DEFB127: variants seen among roughly 807,000 people sequenced by gnomAD.
DEFB127 encodes beta-defensin 127.
In DEFB127, 2 loss-of-function variants were observed where a neutral mutation model predicts 2.4. That is an observed-to-expected ratio of 0.82 (90% CI 0.34 to 2.58). DEFB127 has a LOEUF of 2.58. DEFB127 is among the 30% of genes most tolerant of loss of function. The pLI, the probability that DEFB127 is intolerant of heterozygous loss-of-function variation, is 0.11. For missense variants in DEFB127, 110 were observed against 113.2 expected (o/e 0.97, Z 0.13); for synonymous variants, 37 against 39.8 (o/e 0.93, Z 0.26).
Position 158,989 on chromosome 20 carries a change from GA to G in DEFB127, c.269del (p.Asn90IlefsTer5), listed in dbSNP as rs1250715881. The G allele has an allele frequency of 8.1e-6, 13 of 1,610,922 alleles. No individual in the cohort carries two copies. In the East Asian group the frequency reaches 2.9e-4, roughly 36 times the overall value. Reference protein sequence around the residue: ...LTLQDYVTIIENFPSLKTQST With the variant: ...LTLQDYVTIIXNFPSLKTQST ...TCTTCAAGACTATGTTACAATAATA[GA>G]AAATTTCCCAAGCCTGAAGACACAG... On this transcript the variant is annotated frameshift_variant, in exon 2 of 2. Transcript: ENST00000382388. LOFTEE classifies it low-confidence loss of function (END_TRUNC).
chr20:158,943 G>A lies in DEFB127; in HGVS notation c.219G>A (p.Lys73=), dbSNP rs2054714410. ...AAATTACAAAGCCACCTCGTCCAAA[G>A]CCAGCAACACTTGCACTGACTCTTC... ...CKKITKPPRP[K]PATLALTLQD... The change falls in exon 2 of 2, where the codon AAG becomes AAA. Residue 73 remains lysine (K), a synonymous_variant. Transcript: ENST00000382388. 6.2e-7 allele frequency: 1 copy of A among 1,613,576 alleles called. No homozygotes were observed. Among genetic ancestry groups the A allele is most frequent in the African/African-American group, 1.3e-5 (1 of 74,900 alleles).
intron 1 of DEFB127, among the ~76,000 whole-genome samples, chr20:158,379 C>T (rs1600149827): frequency 1.3e-5 from 2 of 152,096 alleles, no homozygotes; most frequent in South Asian, 4.1e-4. Flanking sequence ...ATACATTGTT[C>T]TCTGGGCATC....
Position 159,032 on chromosome 20 carries a change from A to G in DEFB127, c.*8A>G. On this transcript the variant is annotated 3_prime_UTR_variant, in exon 2 of 2. Transcript: ENST00000382388. ...AAGACACAGTCTACATAAATCAAAT[A>G]CAATTTCGTTTTCACTTGCTTCTCA... is the stretch of plus-strand genomic sequence containing the variant. 6.3e-7 allele frequency: 1 copy of G among 1,590,168 alleles called. No individual in the cohort carries two copies. Among genetic ancestry groups the G allele is most frequent in the Non-Finnish European group, 8.5e-7 (1 of 1,170,154 alleles).
At chr20:158,062 C>G (rs576263231) in intron 1 of DEFB127, among the ~76,000 whole-genome samples, 2 of 152,032 alleles carry the variant, frequency 1.3e-5, no homozygotes, top group African/African-American at 2.4e-5. Context: ...ACTCTAGGAG[C>G]CTCAGTTTCC....
chr20:157,463 T>C lies in DEFB127; in HGVS notation c.-82T>C. The C allele has an allele frequency of 1.4e-6, 2 of 1,468,238 alleles. No homozygotes were observed. The highest frequency in any genetic ancestry group is 1.9e-6 in the Non-Finnish European group (2 of 1,048,814). 91.0% of individuals were successfully genotyped at this position (1,468,238 alleles called of 1,614,324 possible). On this transcript the variant is annotated 5_prime_UTR_variant, in exon 1 of 2. Coordinates refer to ENST00000382388, the MANE Select transcript of DEFB127 (RefSeq NM_139074.4). ...TCTGTTCTGGTTCAGTGCATAAGAA[T>C]CTAAGTCTCTGAGGAAGGTAGCATA...
At chr20:157,693 C>T in intron 1 of DEFB127, 100 bp downstream of exon 1, 1 of 1,293,186 alleles carries the variant, frequency 7.7e-7, no homozygotes, top group East Asian at 2.3e-5. Context: ...AATAGAGCCC[C>T]CAAAGATGGC....
Position 157,513 on chromosome 20 carries a change from C to G in DEFB127, c.-32C>G. On this transcript the variant is annotated 5_prime_UTR_variant, in exon 1 of 2. Transcript: ENST00000382388. ...AGTGTGCAGTTCACTGGACCAAAAG[C>G]TTTGGCTGCACCTCTTCTGGAAAGC... 2 of 1,605,486 alleles carry G rather than the reference C, an allele frequency of 1.2e-6. No individual in the cohort carries two copies. The highest frequency in any genetic ancestry group is 1.7e-6 in the Non-Finnish European group (2 of 1,176,192).
Position 157,550 on chromosome 20 carries a change from G to A in DEFB127, c.6G>A (p.Gly2=), listed in dbSNP as rs1209532570. M[G]LFMIIAILLF... ...CTCTTCTGGAAAGCCTGGCCATGGGGCTCTTCATGATCATTGCAATTCTGC... is the reference window on the plus strand; with the variant it reads ...CTCTTCTGGAAAGCCTGGCCATGGGACTCTTCATGATCATTGCAATTCTGC... Residue 2 remains glycine, a synonymous_variant, in exon 1 of 2, where the codon GGG becomes GGA. Coordinates refer to ENST00000382388, the MANE Select transcript of DEFB127 (RefSeq NM_139074.4). The A allele has an allele frequency of 1.2e-6, 2 of 1,613,720 alleles. No homozygotes were observed. Among genetic ancestry groups the A allele is most frequent in the South Asian group, 1.1e-5 (1 of 91,060 alleles).
intron 1 of DEFB127, among the ~76,000 whole-genome samples, chr20:158,134 GA>G (rs2054710584): frequency 6.6e-6 from 1 of 152,092 alleles, no homozygotes; most frequent in South Asian, 2.1e-4. Context: ...TAACCTATGT[GA>G]AGCTTGGCAC....
At chr20:157,651 C>T in intron 1 of DEFB127, 58 bp downstream of exon 1, 1 of 1,587,832 alleles carries the variant, frequency 6.3e-7, no homozygotes, top group African/African-American at 1.3e-5. Flanking sequence ...TTTCAGGAGC[C>T]AAAGGGAACT....
chr20:157,958 T>C (rs538204962), intron 1 of DEFB127, among the ~76,000 whole-genome samples: 7,498 of 150,616 alleles, frequency 0.05, 568 homozygotes, highest in African/African-American at 0.16. Context: ...TGTGTGTGTG[T>C]GTGTGCATGA....
chr20:157,630 G>T (rs757129100), intron 1 of DEFB127, 37 bp downstream of exon 1: 1 of 1,612,246 alleles, frequency 6.2e-7, no homozygotes, highest in East Asian at 2.2e-5. Flanking sequence ...ATCAACAGTG[G>T]GATGGAGCAT....
In DEFB127 at chr20:159,033, C is replaced by A. The variant is rs1168085437; in HGVS notation, c.*9C>A. ...AGACACAGTCTACATAAATCAAATACAATTTCGTTTTCACTTGCTTCTCAA... is the reference window on the plus strand; with the variant it reads ...AGACACAGTCTACATAAATCAAATAAAATTTCGTTTTCACTTGCTTCTCAA... On this transcript the variant is annotated 3_prime_UTR_variant, in exon 2 of 2. Transcript: ENST00000382388. 1.9e-6 allele frequency: 3 copies of A among 1,589,478 alleles called. No homozygotes were observed. Among genetic ancestry groups the A allele is most frequent in the Non-Finnish European group, 2.6e-6 (3 of 1,169,828 alleles).
intron 1 of DEFB127, 147 bp from the exon 2 acceptor site, chr20:158,627 C>T (rs182029083): frequency 1.2e-4 from 95 of 780,910 alleles, no homozygotes; most frequent in Admixed American, 2.4e-4. Context: ...TTGACCTTGT[C>T]GGAAAATCCT....
chr20:157,958 T>TAC, intron 1 of DEFB127, among the ~76,000 whole-genome samples: 1 of 150,654 alleles, frequency 6.6e-6, no homozygotes, highest in African/African-American at 2.4e-5. Flanking sequence ...TGTGTGTGTG[T>TAC]GTGTGCATGA....
chr20:158,876 G>C lies in DEFB127; in HGVS notation c.152G>C (p.Arg51Thr). 6.2e-7 allele frequency: 1 copy of C among 1,613,796 alleles called. No homozygotes were observed. The highest frequency in any genetic ancestry group is 1.1e-5 in the South Asian group (1 of 91,064). The change falls in exon 2 of 2, where the codon AGA (arginine) becomes ACA (threonine). Residue 51 changes from arginine to threonine, a missense_variant. By Grantham distance (71) the Arg-to-Thr change is moderately conservative (BLOSUM62 -1). Transcript: ENST00000382388. ...EVPEALCENGRYCCLNIKELE... is the reference protein window; with the variant it reads ...EVPEALCENGTYCCLNIKELE... ...CCTGAGGCACTATGTGAAAATGGGA[G>C]ATACTGTTGCCTCAATATCAAGGAA...
At chr20:158,453 T>C (rs896293771) in intron 1 of DEFB127, among the ~76,000 whole-genome samples, 2 of 152,140 alleles carry the variant, frequency 1.3e-5, no homozygotes, top group African/African-American at 4.8e-5. Flanking sequence ...TTTGCTGAGG[T>C]TCCTATGTAG....
chr20:157,673 AC>A (rs2054707958), intron 1 of DEFB127, 80 bp downstream of exon 1: 1 of 1,511,682 alleles, frequency 6.6e-7, no homozygotes. Flanking sequence ...CATAATCCAC[AC>A]TAAAGGGAAA....
chr20:159,141 T>G lies in DEFB127; in HGVS notation c.*117T>G. On this transcript the variant is annotated 3_prime_UTR_variant, in exon 2 of 2. Transcript: ENST00000382388. Reference sequence around the variant, plus strand: ...TCCTTAAAATGACCTTCGAGCATATTCTAATAAAGTGCATTGCCAGTTTTC... The same window carrying G: ...TCCTTAAAATGACCTTCGAGCATATGCTAATAAAGTGCATTGCCAGTTTTC... The G allele has an allele frequency of 5.8e-6, 7 of 1,196,930 alleles. No individual in the cohort carries two copies. The highest frequency in any genetic ancestry group is 8.0e-6 in the Non-Finnish European group (7 of 872,354). 74.1% of individuals were successfully genotyped at this position (1,196,930 alleles called of 1,614,324 possible). A position where few individuals can be genotyped will look rare whatever the true frequency, so the allele number is the denominator to read the frequency against.
Sources: gnomAD v4.1 joint callset for allele counts (sites outside exome capture counted in the v4.1 genomes callset) on GRCh38, gnomAD v4.1.1 for gene constraint, MANE v1.5 for transcripts, NCBI Gene and HGNC (gene_info 2026-07-23, HGNC 2026-07-21) for gene names.